The following CPQ variants were observed in gnomAD, a reference collection of about 807,000 sequenced individuals.
The protein encoded by CPQ is carboxypeptidase Q.
CPQ carries 37 observed loss-of-function variants against 45.7 expected under a neutral mutation model. The ratio of observed to expected loss-of-function variants is 0.81; its 90% confidence interval spans 0.62 to 1.07. The LOEUF is 1.07. CPQ is among the 50% of genes least tolerant of loss of function. The pLI is 0.00. For missense variants in CPQ, 537 were observed against 572.9 expected, an observed-to-expected ratio of 0.94 and a Z score of 0.64; for synonymous variants, 186 against 205.8, an observed-to-expected ratio of 0.90 and a Z score of 0.82.
chr8:96,804,570 GTT>G (rs1586407574), intron 2 of CPQ, among the ~76,000 whole-genome samples: 1 of 150,892 alleles, frequency 6.6e-6, no homozygotes, highest in Non-Finnish European at 1.5e-5. Flanking sequence ...AAAATATCTA[GTT>G]TTTTTAATTT....
chr8:96,753,375 A>G (rs1810287343), intron 1 of CPQ, among the ~76,000 whole-genome samples: 1 of 152,078 alleles, frequency 6.6e-6, no homozygotes, highest in African/African-American at 2.4e-5. Flanking sequence ...CAGTTGAACT[A>G]TTTTCACACA....
At chr8:96,922,689 A>C (rs1812825249) in intron 4 of CPQ, among the ~76,000 whole-genome samples, 1 of 152,194 alleles carries the variant, frequency 6.6e-6, no homozygotes, top group African/African-American at 2.4e-5. Flanking sequence ...ACCTAAAAGC[A>C]TTTCAATATT....
At chr8:96,956,828 T>C (rs1020267891) in intron 4 of CPQ, among the ~76,000 whole-genome samples, 3 of 152,212 alleles carry the variant, frequency 2.0e-5, no homozygotes, top group Non-Finnish European at 4.4e-5. Context: ...TCCTAGAGTC[T>C]CAACACAGGA....
chr8:96,688,800 C>G (rs1488005940), intron 1 of CPQ, among the ~76,000 whole-genome samples: 1 of 152,094 alleles, frequency 6.6e-6, no homozygotes, highest in African/African-American at 2.4e-5. Flanking sequence ...TGATAAGTAA[C>G]TGAAAAGCCA....
chr8:96,662,206 T>G (rs981770999), intron 1 of CPQ, among the ~76,000 whole-genome samples: 1 of 152,244 alleles, frequency 6.6e-6, no homozygotes, highest in African/African-American at 2.4e-5. Context: ...ATATGTCTTT[T>G]GCAAGAGTGG....
intron 3 of CPQ, among the ~76,000 whole-genome samples, chr8:96,873,600 T>A (rs1016251383): frequency 6.6e-6 from 1 of 151,794 alleles, no homozygotes; most frequent in African/African-American, 2.4e-5. Context: ...AAATAAGTGC[T>A]CTTTTAATTA....
intron 4 of CPQ, among the ~76,000 whole-genome samples, chr8:96,894,213 A>T (rs1317503643): frequency 6.6e-6 from 1 of 152,202 alleles, no homozygotes; most frequent in South Asian, 2.1e-4. Context: ...CCACAACCTT[A>T]TCAGAGACCC....
At chr8:96,797,522 A>G (rs886407525) in intron 2 of CPQ, among the ~76,000 whole-genome samples, 13 of 152,228 alleles carry the variant, frequency 8.5e-5, no homozygotes, top group Admixed American at 6.5e-5. Flanking sequence ...TAGGACAAAA[A>G]GGAATATAGA....
chr8:96,906,389 A>G (rs1432906331), intron 4 of CPQ, among the ~76,000 whole-genome samples: 2 of 152,182 alleles, frequency 1.3e-5, no homozygotes, highest in South Asian at 2.1e-4. Flanking sequence ...ATAAAAGTCT[A>G]TGTCTTGGGC....
intron 5 of CPQ, among the ~76,000 whole-genome samples, chr8:97,014,120 G>A (rs1250051080): frequency 6.6e-6 from 1 of 152,214 alleles, no homozygotes; most frequent in Non-Finnish European, 1.5e-5. Flanking sequence ...TCTGGCAGCA[G>A]TTATACCGAG....
chr8:96,939,522 T>C (rs1227982315), intron 4 of CPQ, among the ~76,000 whole-genome samples: 3 of 152,218 alleles, frequency 2.0e-5, no homozygotes, highest in African/African-American at 4.8e-5. Context: ...ATTATGAGTA[T>C]GTTGAAACAA....
intron 6 of CPQ, among the ~76,000 whole-genome samples, chr8:97,031,763 TG>T (rs1191570323): frequency 6.6e-6 from 1 of 152,116 alleles, no homozygotes; most frequent in African/African-American, 2.4e-5. Context: ...TCCATACAAA[TG>T]TAGCTTCATG....
rs965786703 is a variant in CPQ at position 96,972,400 on chromosome 8, C to A, written c.961+6354C>A. 3.3e-5 allele frequency among the ~76,000 whole-genome samples: 5 copies of A among 152,194 alleles called. No individual in the cohort carries two copies. In the East Asian group the frequency reaches 5.8e-4, roughly 18 times the overall value. ...ACTCAGACATGCTTACCCCTTCCCC[C>A]ACCTGGTAGTCTTTCTCTACCTGCC... On this transcript the variant is annotated intron_variant, in intron 5 of 7. Coordinates refer to ENST00000220763, the MANE Select transcript of CPQ (RefSeq NM_016134.4).
chr8:96,684,621 GC>G (rs986550393), intron 1 of CPQ, among the ~76,000 whole-genome samples: 21 of 152,276 alleles, frequency 1.4e-4, no homozygotes, highest in Admixed American at 1.3e-3. Context: ...GGATAGGGTA[GC>G]CCTGTCTTCA....
At chr8:97,083,400 ATACT>A (rs1346630423) in intron 7 of CPQ, among the ~76,000 whole-genome samples, 1 of 152,276 alleles carries the variant, frequency 6.6e-6, no homozygotes, top group African/African-American at 2.4e-5. Context: ...GGTTCTTAGC[ATACT>A]TACTTTGTGG....
At chr8:96,747,511 T>C (rs1810203964) in intron 1 of CPQ, among the ~76,000 whole-genome samples, 1 of 152,176 alleles carries the variant, frequency 6.6e-6, no homozygotes, top group Admixed American at 6.5e-5. Context: ...CATGTGACTC[T>C]ATAGATTGGA....
chr8:96,739,855 G>A (rs909705755), intron 1 of CPQ, among the ~76,000 whole-genome samples: 1 of 151,768 alleles, frequency 6.6e-6, no homozygotes, highest in Non-Finnish European at 1.5e-5. Flanking sequence ...TGCTGTTTTG[G>A]TTACTGTAGC....
At chr8:97,071,361 T>C (rs537575658) in intron 7 of CPQ, among the ~76,000 whole-genome samples, 159 of 152,252 alleles carry the variant, frequency 1.0e-3, no homozygotes, top group African/African-American at 3.7e-3. Flanking sequence ...GACCTGGTTA[T>C]TTCATCTGCA....
At chr8:96,961,912 C>A (rs553856538) in intron 4 of CPQ, among the ~76,000 whole-genome samples, 1 of 152,200 alleles carries the variant, frequency 6.6e-6, no homozygotes, top group East Asian at 1.9e-4. Context: ...TTTCATATGT[C>A]TCATTTTCAT....
Sources: allele counts gnomAD v4.1 joint callset (sites outside exome capture counted in the v4.1 genomes callset), GRCh38; gene constraint gnomAD v4.1.1; transcripts MANE v1.5; gene names NCBI Gene and HGNC (gene_info 2026-07-23, HGNC 2026-07-21).